The following TMPRSS4 variants were observed in gnomAD, a reference collection of about 807,000 sequenced individuals.
The protein encoded by TMPRSS4 is transmembrane protease serine 4.
TMPRSS4 carries 45 observed loss-of-function variants against 56.4 expected under a neutral mutation model. The observed-to-expected ratio is 0.80, with a 90% confidence interval of 0.63 to 1.02. The LOEUF (loss-of-function observed/expected upper bound fraction) is 1.02. TMPRSS4 is among the 50% of genes least tolerant of loss of function. The pLI, the probability that TMPRSS4 is intolerant of heterozygous loss-of-function variation, is 0.00. For synonymous variants in TMPRSS4, 205 were observed against 211.0 expected (o/e 0.97, Z 0.25); for missense variants, 546 against 556.7 (o/e 0.98, Z 0.19).
chr11:118,094,932 C>A (rs1204909759), intron 2 of TMPRSS4, 77 bp downstream of exon 2: 4 of 1,490,754 alleles, frequency 2.7e-6, no homozygotes, highest in Non-Finnish European at 3.7e-6. Context: ...AAGCCACTCG[C>A]GCCTGGCCCT....
intron 1 of TMPRSS4, among the ~76,000 whole-genome samples, chr11:118,081,375 C>T (rs949857841): frequency 3.4e-4 from 52 of 152,250 alleles, no homozygotes; most frequent in East Asian, 7.7e-4. Flanking sequence ...CCCTGTGACA[C>T]GTCTAACGCC....
intron 1 of TMPRSS4, among the ~76,000 whole-genome samples, chr11:118,082,850 G>A (rs938042303): frequency 1.3e-5 from 2 of 152,156 alleles, no homozygotes; most frequent in African/African-American, 4.8e-5. Flanking sequence ...CTGAGAGTGA[G>A]CTCTTCAGAA....
At chr11:118,081,708 T>C (rs1367118565) in intron 1 of TMPRSS4, among the ~76,000 whole-genome samples, 1 of 152,238 alleles carries the variant, frequency 6.6e-6, no homozygotes, top group East Asian at 1.9e-4. Flanking sequence ...ACCAATGCTT[T>C]CAGCATATCC....
chr11:118,109,251 T>C (rs912938676), intron 7 of TMPRSS4, among the ~76,000 whole-genome samples: 1 of 152,138 alleles, frequency 6.6e-6, no homozygotes, highest in African/African-American at 2.4e-5. Flanking sequence ...CACAATCAGC[T>C]CAGGTATCCA....
At chr11:118,106,677 T>TC (rs1211170896) in intron 5 of TMPRSS4, 5 of 152,176 alleles carry the variant, frequency 3.3e-5, no homozygotes, top group Non-Finnish European at 1.5e-5. Context: ...AGAGACCGAG[T>TC]TTCACCATGT....
At chr11:118,115,464 A>AGTGG in intron 11 of TMPRSS4, 184 bp downstream of exon 11, 1 of 661,932 alleles carries the variant, frequency 1.5e-6, no homozygotes, top group Non-Finnish European at 2.5e-6. Context: ...CCAATAGATG[A>AGTGG]GTGGGTGGAT....
chr11:118,090,076 G>T (rs573333357), intron 1 of TMPRSS4, among the ~76,000 whole-genome samples: 1 of 151,958 alleles, frequency 6.6e-6, no homozygotes, highest in Non-Finnish European at 1.5e-5. Flanking sequence ...AACTCCTGAC[G>T]TCAGATCCAC....
At position 118,104,828 on chromosome 11, in the gene TMPRSS4, A is replaced by C. The variant is rs1442709686; in HGVS notation, c.440+8A>C. ...GCAGATGGGCTACAGCAGGTAACCA[A>C]CCTGGGCCTCTCTCCTTTTTCCCTC... On this transcript the variant is annotated splice_region_variant and intron_variant, in intron 5 of 12. Transcript: ENST00000437212. 2 of 1,567,982 alleles carry C rather than the reference A, an allele frequency of 1.3e-6. No individual in the cohort carries two copies. Among genetic ancestry groups the C allele is most frequent in the Middle Eastern group, 1.7e-4 (1 of 5,874 alleles).
intron 3 of TMPRSS4, chr11:118,099,316 C>A: frequency 4.5e-6 from 2 of 449,016 alleles, no homozygotes; most frequent in South Asian, 7.5e-5. Flanking sequence ...TTGTCCTTCA[C>A]CCCCTCAGTA....
In TMPRSS4 at chr11:118,114,815, T is replaced by C; in HGVS notation, c.911-14T>C. The C allele has an allele frequency of 6.3e-7, 1 of 1,594,360 alleles. No individual in the cohort carries two copies. Among genetic ancestry groups the C allele is most frequent in the Middle Eastern group, 1.8e-4 (1 of 5,450 alleles). On this transcript the variant is annotated splice_polypyrimidine_tract_variant and intron_variant, in intron 9 of 12. Coordinates refer to ENST00000437212, the MANE Select transcript of TMPRSS4 (RefSeq NM_019894.4). ...TGAATAAAAGATCTCCTTCTTCCTC[T>C]GTGCTCCTGGCAGGCACAGTCAGGC...
At chr11:118,123,728 G>T (rs553136685), downstream of TMPRSS4, among the ~76,000 whole-genome samples, 8 of 152,186 alleles carry the variant, frequency 5.3e-5, 1 homozygote, top group South Asian at 1.0e-3. Flanking sequence ...GTTTCACCTT[G>T]TTAGCCAGGA....
At chr11:118,099,182 G>T in intron 3 of TMPRSS4, 84 bp downstream of exon 3, 2 of 1,045,064 alleles carry the variant, frequency 1.9e-6, no homozygotes, top group Non-Finnish European at 2.7e-6. Flanking sequence ...CCCTGAATAA[G>T]TGACAGTCCC....
At chr11:118,112,016 T>G (rs76497990) in intron 8 of TMPRSS4, 116 bp downstream of exon 8, 6 of 1,432,342 alleles carry the variant, frequency 4.2e-6, no homozygotes, top group Non-Finnish European at 5.6e-6. Flanking sequence ...AGAGACGTTT[T>G]CCAGGTTGTG....
At chr11:118,078,171 T>C (rs766137947) in intron 1 of TMPRSS4, among the ~76,000 whole-genome samples, 3 of 152,144 alleles carry the variant, frequency 2.0e-5, no homozygotes, top group Non-Finnish European at 4.4e-5. Flanking sequence ...CTGGAGCGTC[T>C]TCGCTGTCTT....
At chr11:118,099,266 C>T (rs984861107) in intron 3 of TMPRSS4, 168 bp downstream of exon 3, 11 of 541,422 alleles carry the variant, frequency 2.0e-5, no homozygotes, top group South Asian at 7.3e-5. Flanking sequence ...GTGGCAGCCC[C>T]GCCCCTCCCA....
At chr11:118,091,529 TCCA>T (rs759576264) in intron 1 of TMPRSS4, among the ~76,000 whole-genome samples, 1 of 152,144 alleles carries the variant, frequency 6.6e-6, no homozygotes, top group Non-Finnish European at 1.5e-5. Context: ...AGCCCTCCTC[TCCA>T]CCAAGAAACA....
chr11:118,099,833 C>T (rs1371384513), intron 3 of TMPRSS4, among the ~76,000 whole-genome samples: 1 of 152,114 alleles, frequency 6.6e-6, no homozygotes, highest in Non-Finnish European at 1.5e-5. Context: ...TCAGCTTGGC[C>T]TTCACCATGG....
At chr11:118,092,687 G>C (rs927518551) in intron 1 of TMPRSS4, among the ~76,000 whole-genome samples, 4 of 152,236 alleles carry the variant, frequency 2.6e-5, no homozygotes, top group African/African-American at 9.6e-5. Flanking sequence ...CTCTGGGAAA[G>C]AGCTGTTACC....
At chr11:118,101,548 A>G (rs1946726450) in intron 3 of TMPRSS4, among the ~76,000 whole-genome samples, 1 of 152,102 alleles carries the variant, frequency 6.6e-6, no homozygotes, top group Admixed American at 6.5e-5. Context: ...TGATCACCTC[A>G]CTGCAGCCTC....
Sources: allele counts gnomAD v4.1 joint callset (sites outside exome capture counted in the v4.1 genomes callset), GRCh38; gene constraint gnomAD v4.1.1; transcripts MANE v1.5; gene names NCBI Gene and HGNC (gene_info 2026-07-23, HGNC 2026-07-21).